The following DLGAP4 variants were observed in gnomAD, a reference collection of about 807,000 sequenced individuals.
The protein encoded by DLGAP4 is disks large-associated protein 4.
In DLGAP4, 18 loss-of-function variants were observed where a neutral mutation model predicts 86.9. The ratio of observed to expected loss-of-function variants is 0.21; its 90% CI spans 0.14 to 0.31. DLGAP4 has a LOEUF of 0.31. Among genes scored for constraint, DLGAP4 ranks in the 10% least tolerant of loss-of-function variants. The pLI is 1.00. For synonymous variants in DLGAP4, 548 were observed against 574.3 expected, an observed-to-expected ratio of 0.95 and a Z score of 0.65; for missense variants, 1,085 against 1,362.6, an observed-to-expected ratio of 0.80 and a Z score of 3.21.
intron 10 of DLGAP4, among the ~76,000 whole-genome samples, chr20:36,519,482 G>A (rs1464513323): frequency 1.3e-5 from 2 of 152,172 alleles, no homozygotes; most frequent in Non-Finnish European, 2.9e-5. Flanking sequence ...TTTAGTCAGA[G>A]TCTATTCATC....
At chr20:36,416,777 G>A (rs192311618) in intron 2 of DLGAP4, among the ~76,000 whole-genome samples, 5 of 152,196 alleles carry the variant, frequency 3.3e-5, no homozygotes, top group South Asian at 2.1e-4. Context: ...GAACAGAAAC[G>A]CCAGCCTAGC....
At chr20:36,411,731 C>A (rs2032505013) in intron 2 of DLGAP4, among the ~76,000 whole-genome samples, 1 of 152,180 alleles carries the variant, frequency 6.6e-6, no homozygotes, top group Non-Finnish European at 1.5e-5. Context: ...AGGATCTGAG[C>A]CCAGGCATTC....
chr20:36,396,372 ACACCCCACATACACACATGC>A (rs2031963037), intron 2 of DLGAP4, among the ~76,000 whole-genome samples: 1 of 42,920 alleles, frequency 2.3e-5, no homozygotes, highest in Admixed American at 2.0e-4. Context: ...GCACATACAC[ACACCCCACATACACACATGC>A]CACATACACA....
chr20:36,494,984 GTTTTTTT>G (rs752411826), intron 7 of DLGAP4, among the ~76,000 whole-genome samples: 14 of 75,390 alleles, frequency 1.9e-4, no homozygotes, highest in African/African-American at 2.1e-4. Flanking sequence ...TTTTTGTTCG[GTTTTTTT>G]TTTTTTTTTT....
At chr20:36,461,764 C>CCCGT in intron 7 of DLGAP4, 1 of 902,470 alleles carries the variant, frequency 1.1e-6, no homozygotes. Flanking sequence ...CGCCCGCCCG[C>CCCGT]CCGCCCGCGC....
chr20:36,518,318 A>G (rs2037163351), intron 10 of DLGAP4, among the ~76,000 whole-genome samples: 1 of 150,628 alleles, frequency 6.6e-6, no homozygotes, highest in African/African-American at 2.4e-5. Flanking sequence ...ATTATCCTTT[A>G]CTCATTCCTA....
At chr20:36,428,548 C>T (rs1008751017) in intron 2 of DLGAP4, among the ~76,000 whole-genome samples, 8 of 152,216 alleles carry the variant, frequency 5.3e-5, no homozygotes, top group African/African-American at 1.4e-4. Flanking sequence ...TTGCTGAGGC[C>T]ACCTGGTACC....
At chr20:36,307,068 G>A in intron 1 of DLGAP4, among the ~76,000 whole-genome samples, 1 of 151,990 alleles carries the variant, frequency 6.6e-6, no homozygotes, top group East Asian at 2.0e-4. Flanking sequence ...CCCCCTTCCC[G>A]AGCTCTTTCC....
intron 1 of DLGAP4, among the ~76,000 whole-genome samples, chr20:36,359,590 T>C (rs2030447577): frequency 6.6e-6 from 1 of 152,186 alleles, no homozygotes; most frequent in Non-Finnish European, 1.5e-5. Flanking sequence ...GCAAAGGAAC[T>C]TCCTTCTCCT....
intron 2 of DLGAP4, among the ~76,000 whole-genome samples, chr20:36,406,749 G>A (rs1342241286): frequency 1.3e-5 from 2 of 152,174 alleles, no homozygotes; most frequent in Non-Finnish European, 2.9e-5. Context: ...AAGGGACAGG[G>A]TGAGTCCCCT....
chr20:36,462,645 T>C, intron 7 of DLGAP4: 1 of 1,559,012 alleles, frequency 6.4e-7, no homozygotes, highest in African/African-American at 1.4e-5. Flanking sequence ...GCCCGCAGGC[T>C]GGCCGCGGCC....
At chr20:36,408,088 G>C (rs1251165101) in intron 2 of DLGAP4, among the ~76,000 whole-genome samples, 3 of 152,022 alleles carry the variant, frequency 2.0e-5, no homozygotes, top group Non-Finnish European at 4.4e-5. Context: ...GGTGAGGAAG[G>C]AGACACGGGG....
intron 2 of DLGAP4, among the ~76,000 whole-genome samples, chr20:36,415,443 G>A (rs2032625260): frequency 6.6e-6 from 1 of 152,156 alleles, no homozygotes; most frequent in African/African-American, 2.4e-5. Context: ...ACAGTGCCCG[G>A]CCCTGTCTGG....
chr20:36,409,141 T>A (rs1030272103), intron 2 of DLGAP4, among the ~76,000 whole-genome samples: 2 of 149,448 alleles, frequency 1.3e-5, no homozygotes, highest in Non-Finnish European at 3.0e-5. Flanking sequence ...GTTCAAGCGA[T>A]TCTCATGCCT....
chr20:36,329,868 T>G (rs1186010236), intron 1 of DLGAP4, among the ~76,000 whole-genome samples: 1 of 152,224 alleles, frequency 6.6e-6, no homozygotes, highest in African/African-American at 2.4e-5. Context: ...CCATCTCTAC[T>G]GAAAATACAA....
intron 2 of DLGAP4, among the ~76,000 whole-genome samples, chr20:36,385,501 G>A (rs1184411325): frequency 6.6e-6 from 1 of 152,194 alleles, no homozygotes; most frequent in Non-Finnish European, 1.5e-5. Context: ...AAAGGGCCTA[G>A]AACTGATGCC....
chr20:36,517,594 AGTT>A (rs1186734537), intron 10 of DLGAP4, among the ~76,000 whole-genome samples: 2 of 151,586 alleles, frequency 1.3e-5, no homozygotes, highest in African/African-American at 4.9e-5. Flanking sequence ...TTTGAAAATG[AGTT>A]GTTGTTACTG....
intron 2 of DLGAP4, among the ~76,000 whole-genome samples, chr20:36,421,391 G>A (rs1265345131): frequency 6.6e-6 from 1 of 151,714 alleles, no homozygotes; most frequent in African/African-American, 2.4e-5. Flanking sequence ...CTGGGAAGCA[G>A]AGGTTGCAGT....
intron 1 of DLGAP4, among the ~76,000 whole-genome samples, chr20:36,356,941 G>A (rs1214767168): frequency 3.3e-5 from 5 of 152,036 alleles, no homozygotes; most frequent in South Asian, 4.2e-4. Flanking sequence ...TTTAGTCTAC[G>A]TGTCTCCTGA....
Sources: allele counts gnomAD v4.1 joint callset (sites outside exome capture counted in the v4.1 genomes callset), GRCh38; gene constraint gnomAD v4.1.1; transcripts MANE v1.5; gene names NCBI Gene and HGNC (gene_info 2026-07-23, HGNC 2026-07-21).